Variants in ADGRB3 observed in about 807,000 individuals in gnomAD.
ADGRB3 encodes the protein adhesion G protein-coupled receptor B3.
In ADGRB3, 37 loss-of-function variants were observed where a neutral mutation model predicts 193.4. The observed-to-expected ratio is 0.19, with a 90% confidence interval of 0.15 to 0.25. The LOEUF is 0.25. Ranked by LOEUF, ADGRB3 falls within the 10% of genes least tolerant of loss-of-function variation. The pLI is 1.00. For missense variants in ADGRB3, 1,637 were observed against 1,852.9 expected, an observed-to-expected ratio of 0.88 and a Z score of 2.14; for synonymous variants, 690 against 644.2, an observed-to-expected ratio of 1.07 and a Z score of -1.08.
intron 3 of ADGRB3, among the ~76,000 whole-genome samples, chr6:68,665,917 T>C (rs1239472686): frequency 6.6e-6 from 1 of 151,896 alleles, no homozygotes; most frequent in African/African-American, 2.4e-5. Context: ...AATCCCAAGA[T>C]TAGCAGTGCA....
At chr6:69,042,217 T>G (rs1216902116) in intron 13 of ADGRB3, among the ~76,000 whole-genome samples, 1 of 152,176 alleles carries the variant, frequency 6.6e-6, no homozygotes, top group African/African-American at 2.4e-5. Context: ...GAACTGACAG[T>G]CAATTAAACC....
intron 3 of ADGRB3, among the ~76,000 whole-genome samples, chr6:68,784,730 A>G (rs1329734731): frequency 6.6e-6 from 1 of 152,122 alleles, no homozygotes; most frequent in East Asian, 1.9e-4. Flanking sequence ...TCACAAACAG[A>G]TGAAAAATTA....
At chr6:68,962,093 G>C (rs549784910) in intron 8 of ADGRB3, among the ~76,000 whole-genome samples, 2 of 152,114 alleles carry the variant, frequency 1.3e-5, no homozygotes, top group East Asian at 3.9e-4. Flanking sequence ...GTGGCACTAG[G>C]TATTGACTTC....
At chr6:68,750,979 A>T (rs1354571000) in intron 3 of ADGRB3, among the ~76,000 whole-genome samples, 1 of 152,042 alleles carries the variant, frequency 6.6e-6, no homozygotes, top group Non-Finnish European at 1.5e-5. Flanking sequence ...AGCTTAGCCT[A>T]TTGTTCCACT....
At chr6:69,343,469 T>C (rs1769023379) in intron 26 of ADGRB3, among the ~76,000 whole-genome samples, 1 of 151,874 alleles carries the variant, frequency 6.6e-6, no homozygotes, top group African/African-American at 2.4e-5. Flanking sequence ...TTTACTCTTT[T>C]AGTGGGTCCA....
chr6:68,662,875 G>A (rs949916424), intron 3 of ADGRB3, among the ~76,000 whole-genome samples: 11 of 150,418 alleles, frequency 7.3e-5, no homozygotes, highest in Non-Finnish European at 1.6e-4. Flanking sequence ...AAGGAAAATG[G>A]GAAGACAAAA....
intron 3 of ADGRB3, among the ~76,000 whole-genome samples, chr6:68,822,132 T>C (rs1473617028): frequency 6.6e-6 from 1 of 151,866 alleles, no homozygotes; most frequent in East Asian, 1.9e-4. Flanking sequence ...GATATGTATG[T>C]GCCTATGAAA....
intron 3 of ADGRB3, among the ~76,000 whole-genome samples, chr6:68,766,940 C>T (rs1383926771): frequency 1.3e-5 from 2 of 151,528 alleles, no homozygotes; most frequent in African/African-American, 4.8e-5. Flanking sequence ...CCATGGTTCT[C>T]AAAAAAAATT....
At chr6:69,275,990 A>G (rs979624632) in intron 20 of ADGRB3, among the ~76,000 whole-genome samples, 2 of 152,196 alleles carry the variant, frequency 1.3e-5, no homozygotes, top group Admixed American at 1.3e-4. Context: ...TAATTGCTGC[A>G]TCTCCATGCA....
intron 3 of ADGRB3, among the ~76,000 whole-genome samples, chr6:68,925,924 A>G (rs1182774128): frequency 6.6e-6 from 1 of 152,052 alleles, no homozygotes; most frequent in African/African-American, 2.4e-5. Context: ...GGACAGTGAC[A>G]CTTAATTTTC....
Position 68,639,288 on chromosome 6 carries a change from T to C in ADGRB3, c.613T>C (p.Trp205Arg), listed in dbSNP as rs766660272. ...KCTCPQHLGE[W>R]GIDDQSLILL... ...CACCTGCCCTCAGCATTTGGGAGAGTGGGGGATCGACGACCAGTCGCTGAT... is the reference window on the plus strand; with the variant it reads ...CACCTGCCCTCAGCATTTGGGAGAGCGGGGGATCGACGACCAGTCGCTGAT... The change falls in exon 3 of 32, where the codon TGG (tryptophan) becomes CGG (arginine). Residue 205 changes from tryptophan to arginine, a missense_variant. By Grantham distance (101) the Trp-to-Arg change is moderately radical. Transcript: ENST00000370598. The C allele has an allele frequency of 4.0e-5, 65 of 1,613,444 alleles. No homozygotes were observed. Among genetic ancestry groups the C allele is most frequent in the Non-Finnish European group, 5.2e-5 (61 of 1,179,938 alleles).
chr6:68,897,482 G>GA (rs1766255085), intron 3 of ADGRB3, among the ~76,000 whole-genome samples: 2 of 101,034 alleles, frequency 2.0e-5, no homozygotes, highest in South Asian at 4.1e-4. Flanking sequence ...AGGGAGGGAT[G>GA]GAGGAAGGGA....
At chr6:68,940,622 G>C (rs575934955) in intron 5 of ADGRB3, among the ~76,000 whole-genome samples, 3 of 122,970 alleles carry the variant, frequency 2.4e-5, no homozygotes, top group South Asian at 5.6e-4. Flanking sequence ...AAACCTAGCC[G>C]GGTGCGGTGG....
At chr6:68,663,025 A>T (rs538822779) in intron 3 of ADGRB3, among the ~76,000 whole-genome samples, 2 of 151,416 alleles carry the variant, frequency 1.3e-5, no homozygotes, top group South Asian at 4.1e-4. Context: ...GCTTTCAACA[A>T]TGTTATATGG....
chr6:69,093,698 C>T lies in ADGRB3; in HGVS notation c.2480+17660C>T, dbSNP rs1046431130. Reference sequence around the variant, plus strand: ...GGGGGGATATAGGGTGGGAAACCTACGTTCAGGGGCTAGTAGGTGAGCAGC... The same window carrying T: ...GGGGGGATATAGGGTGGGAAACCTATGTTCAGGGGCTAGTAGGTGAGCAGC... On this transcript the variant is annotated intron_variant, in intron 17 of 31. Coordinates refer to ENST00000370598, the MANE Select transcript of ADGRB3 (RefSeq NM_001704.3). 5.3e-5 allele frequency among the ~76,000 whole-genome samples: 8 copies of T among 149,638 alleles called. No homozygotes were observed. The East Asian group carries it at 6.0e-4, about 11-fold the overall frequency.
At chr6:68,842,091 C>G (rs1368132208) in intron 3 of ADGRB3, among the ~76,000 whole-genome samples, 1 of 151,860 alleles carries the variant, frequency 6.6e-6, no homozygotes, top group Non-Finnish European at 1.5e-5. Context: ...ATGTAATTAT[C>G]ATACATTCCA....
At chr6:68,732,242 G>A (rs1014820766) in intron 3 of ADGRB3, among the ~76,000 whole-genome samples, 5 of 151,752 alleles carry the variant, frequency 3.3e-5, no homozygotes, top group Admixed American at 1.3e-4. Flanking sequence ...TGGCATGGGA[G>A]TTTGTTAGAG....
chr6:69,339,197 C>T (rs1194166747), intron 25 of ADGRB3, 136 bp from the exon 26 acceptor site: 2 of 1,193,562 alleles, frequency 1.7e-6, no homozygotes, highest in Non-Finnish European at 2.4e-6. Flanking sequence ...ATAAGACTCT[C>T]AAATGTCATC....
rs184343818 is a variant in ADGRB3 at position 69,165,488 on chromosome 6, A to G, written c.2481-67802A>G. On this transcript the variant is annotated intron_variant, in intron 17 of 31. Coordinates refer to ENST00000370598, the MANE Select transcript of ADGRB3 (RefSeq NM_001704.3). ...CACCATGCTCTTTTGGATGCCATGTATCATCCTGGAGTTGATTTTTTCATT... is the reference window on the plus strand; with the variant it reads ...CACCATGCTCTTTTGGATGCCATGTGTCATCCTGGAGTTGATTTTTTCATT... 5.9e-5 allele frequency among the ~76,000 whole-genome samples: 9 copies of G among 151,540 alleles called. No homozygotes were observed. In the East Asian group the frequency reaches 1.4e-3, roughly 23 times the overall value.
Sources: gnomAD v4.1 joint callset for allele counts (sites outside exome capture counted in the v4.1 genomes callset) on GRCh38, gnomAD v4.1.1 for gene constraint, MANE v1.5 for transcripts, NCBI Gene and HGNC (gene_info 2026-07-23, HGNC 2026-07-21) for gene names.